BAIAP2: variants seen among roughly 807,000 people sequenced by gnomAD.
The protein encoded by BAIAP2 is BAR/IMD domain-containing adapter protein 2.
BAIAP2 carries 18 observed loss-of-function variants against 63.0 expected under a neutral mutation model. The observed-to-expected ratio is 0.29, with a 90% CI of 0.20 to 0.42. The LOEUF is 0.42. BAIAP2 is among the 10% of genes least tolerant of loss of function. BAIAP2 has a pLI of 1.00. For synonymous variants in BAIAP2, 386 were observed against 307.6 expected, an observed-to-expected ratio of 1.25 and a Z score of -2.67; for missense variants, 610 against 734.3, an observed-to-expected ratio of 0.83 and a Z score of 1.96.
chr17:81,091,556 A>G (rs1194730313), intron 6 of BAIAP2, among the ~76,000 whole-genome samples: 2 of 152,150 alleles, frequency 1.3e-5, no homozygotes, highest in Non-Finnish European at 2.9e-5. Context: ...CTGTGGGGTC[A>G]CTGGCGACCA....
chr17:81,104,157 T>C (rs34057293), intron 9 of BAIAP2, 49 bp downstream of exon 9: 1,179,100 of 1,593,506 alleles, frequency 0.74, 438,163 homozygotes, highest in Middle Eastern at 0.85. Flanking sequence ...ACGTGCCTCC[T>C]CAGACCCTAC....
At chr17:81,104,816 T>C (rs1301719573) in intron 10 of BAIAP2, 101 bp downstream of exon 10, 3 of 1,294,236 alleles carry the variant, frequency 2.3e-6, no homozygotes, top group Non-Finnish European at 2.1e-6. Flanking sequence ...TTAGAGTGGC[T>C]GTGCAGGTTG....
At chr17:81,070,960 T>G (rs2052525468) in intron 3 of BAIAP2, among the ~76,000 whole-genome samples, 1 of 152,184 alleles carries the variant, frequency 6.6e-6, no homozygotes, top group African/African-American at 2.4e-5. Context: ...GCCTCTGCTC[T>G]CCCTCCACCC....
rs2058761000 is a variant in BAIAP2 at position 81,103,504 on chromosome 17, C to T, written c.645C>T (p.Gly215=). The change falls in exon 8 of 14, where the codon GGC becomes GGT. Residue 215 remains glycine, a splice_region_variant and synonymous_variant. Transcript: ENST00000428708. ...AKNSAAYHSK[G]KELLAQKLPL... ...CCTTCCTGCTGCTTCCACTTCAGGG[C>T]AAGGAGCTGCTGGCGCAGAAGCTGC... 3 of 1,567,490 alleles carry T rather than the reference C, an allele frequency of 1.9e-6. No individual in the cohort carries two copies. The highest frequency in any genetic ancestry group is 2.3e-5 in the East Asian group (1 of 42,810).
intron 6 of BAIAP2, among the ~76,000 whole-genome samples, chr17:81,099,682 G>T (rs544976716): frequency 3.9e-5 from 6 of 152,270 alleles, no homozygotes; most frequent in African/African-American, 7.2e-5. Flanking sequence ...CACTCACCCA[G>T]AGTGGTCCCG....
intron 2 of BAIAP2, among the ~76,000 whole-genome samples, chr17:81,055,212 A>T (rs1423308772): frequency 6.6e-6 from 1 of 151,674 alleles, no homozygotes; most frequent in African/African-American, 2.4e-5. Flanking sequence ...TACCACCTTT[A>T]CTCCGTTGTC....
At chr17:81,088,273 C>A (rs1029665995) in intron 6 of BAIAP2, among the ~76,000 whole-genome samples, 5 of 151,980 alleles carry the variant, frequency 3.3e-5, no homozygotes, top group African/African-American at 1.2e-4. Context: ...GCTTGGTGTT[C>A]TGGGGATGGG....
intron 6 of BAIAP2, among the ~76,000 whole-genome samples, chr17:81,098,380 A>G (rs933170603): frequency 6.6e-6 from 1 of 150,754 alleles, no homozygotes; most frequent in Non-Finnish European, 1.5e-5. Flanking sequence ...GCTCAGCTAC[A>G]GTTTCTTGGT....
chr17:81,052,681 A>T (rs1401742791), intron 1 of BAIAP2, among the ~76,000 whole-genome samples: 3 of 151,848 alleles, frequency 2.0e-5, no homozygotes, highest in Admixed American at 6.5e-5. Context: ...TGCCCTTTCT[A>T]TCTGTTCTCT....
Position 81,072,201 on chromosome 17 carries a change from C to G in BAIAP2, c.218-12631C>G, listed in dbSNP as rs1295851977. On this transcript the variant is annotated intron_variant, in intron 3 of 13. Transcript: ENST00000428708. ...CCACCTGCCCAAGGGCTGCCACTCC[C>G]TTTTCCCAGATGGCTGGAGTGCCCC... 3.9e-5 allele frequency among the ~76,000 whole-genome samples: 6 copies of G among 152,246 alleles called. No homozygotes were observed. In the East Asian group the frequency reaches 7.7e-4, roughly 20 times the overall value.
chr17:81,079,570 G>A (rs1002337585), intron 3 of BAIAP2, among the ~76,000 whole-genome samples: 2 of 152,124 alleles, frequency 1.3e-5, no homozygotes, highest in South Asian at 2.1e-4. Context: ...GGGCTGGTGG[G>A]GTGAGCTGCC....
intron 1 of BAIAP2, among the ~76,000 whole-genome samples, chr17:81,050,827 A>G (rs1347722971): frequency 6.6e-6 from 1 of 150,834 alleles, no homozygotes; most frequent in Admixed American, 6.6e-5. Flanking sequence ...ACACCAGAAC[A>G]CTAGAGTCGG....
rs370110894 is a variant in BAIAP2, at chr17:81,044,986, T to C, written c.55-8682T>C. 2.6e-5 allele frequency among the ~76,000 whole-genome samples: 4 copies of C among 152,310 alleles called. No homozygotes were observed. In the East Asian group the frequency reaches 7.7e-4, roughly 29 times the overall value. On this transcript the variant is annotated intron_variant, in intron 1 of 13. Transcript: ENST00000428708. ...TGGAAGGTGTGTGTAAGGGGCTCTG[T>C]CCCCATTGAAGCTGGGATAGGCAGG...
At chr17:81,065,647 C>T (rs118048139) in intron 3 of BAIAP2, among the ~76,000 whole-genome samples, 99 of 152,314 alleles carry the variant, frequency 6.5e-4, no homozygotes, top group East Asian at 3.3e-3. Flanking sequence ...TGGCCCAGGC[C>T]CTCTCGCTCC....
At chr17:81,036,209 G>A (rs1458191095) in intron 1 of BAIAP2, among the ~76,000 whole-genome samples, 1 of 151,818 alleles carries the variant, frequency 6.6e-6, no homozygotes, top group Non-Finnish European at 1.5e-5. Context: ...CCTGAGCCCG[G>A]CAGCTGCCGG....
At chr17:81,110,943 C>T in intron 13 of BAIAP2, 1 of 1,613,902 alleles carries the variant, frequency 6.2e-7, no homozygotes, top group Admixed American at 1.7e-5. Context: ...AGATTCTGAG[C>T]CGCCTGACTA....
intron 13 of BAIAP2, chr17:81,110,421 A>G: frequency 3.0e-6 from 3 of 990,782 alleles, no homozygotes; most frequent in Non-Finnish European, 3.6e-6. Context: ...TGCTGAACAT[A>G]TTTTTTTCCT....
chr17:81,102,679 C>T (rs1021138124), intron 7 of BAIAP2, among the ~76,000 whole-genome samples: 1 of 152,144 alleles, frequency 6.6e-6, no homozygotes, highest in South Asian at 2.1e-4. Context: ...CAACATCCTC[C>T]GTGGGTCCCC....
chr17:81,085,588 C>A, intron 4 of BAIAP2, 66 bp from the exon 5 acceptor site: 2 of 1,392,342 alleles, frequency 1.4e-6, no homozygotes, highest in African/African-American at 1.4e-5. Flanking sequence ...TCTAGCCCTG[C>A]CCTGCCTCCT....
Sources: allele counts gnomAD v4.1 joint callset (sites outside exome capture counted in the v4.1 genomes callset), GRCh38; gene constraint gnomAD v4.1.1; transcripts MANE v1.5; gene names NCBI Gene and HGNC (gene_info 2026-07-23, HGNC 2026-07-21).